The following FGF1 variants were observed in gnomAD, a reference collection of about 807,000 sequenced individuals.
The protein encoded by FGF1 is beta-endothelial cell growth factor.
A neutral mutation model predicts 13.4 loss-of-function variants in FGF1; 9 were observed. That is an observed-to-expected ratio of 0.67 (90% CI 0.40 to 1.17). FGF1 has a LOEUF of 1.17. FGF1 is among the 50% of genes most tolerant of loss of function. The pLI, the probability that FGF1 is intolerant of heterozygous loss-of-function variation, is 0.01. For missense variants in FGF1, 156 were observed against 192.7 expected, an observed-to-expected ratio of 0.81 and a Z score of 1.13; for synonymous variants, 93 against 79.0, an observed-to-expected ratio of 1.18 and a Z score of -0.94.
At chr5:142,653,410 C>T (rs970229636) in intron 1 of FGF1, among the ~76,000 whole-genome samples, 2 of 152,208 alleles carry the variant, frequency 1.3e-5, no homozygotes, top group African/African-American at 2.4e-5. Context: ...GAAGTGAAGG[C>T]TGTGGTCCAC....
At chr5:142,657,896 G>A (rs551445871) in intron 1 of FGF1, among the ~76,000 whole-genome samples, 2 of 152,282 alleles carry the variant, frequency 1.3e-5, no homozygotes, top group South Asian at 2.1e-4. Flanking sequence ...GTCCTCAGGG[G>A]CCTGTCCTAG....
At chr5:142,625,592 C>G (rs1412281966) in intron 1 of FGF1, among the ~76,000 whole-genome samples, 2 of 152,174 alleles carry the variant, frequency 1.3e-5, no homozygotes, top group Non-Finnish European at 2.9e-5. Context: ...CACCACGGTC[C>G]AAACCATCCG....
intron 1 of FGF1, among the ~76,000 whole-genome samples, chr5:142,644,787 C>G (rs569319089): frequency 6.6e-6 from 1 of 152,322 alleles, no homozygotes; most frequent in South Asian, 2.1e-4. Flanking sequence ...GTGATAGTCT[C>G]TCCATCATGG....
chr5:142,612,549 G>A (rs1421939498), intron 2 of FGF1, among the ~76,000 whole-genome samples: 1 of 152,112 alleles, frequency 6.6e-6, no homozygotes, highest in Non-Finnish European at 1.5e-5. Context: ...CTGACACAAT[G>A]GACTACAATC....
intron 2 of FGF1, among the ~76,000 whole-genome samples, chr5:142,693,304 T>G (rs1561777408): frequency 6.6e-6 from 1 of 152,122 alleles, no homozygotes; most frequent in Non-Finnish European, 1.5e-5. Context: ...ATTTTTTTAT[T>G]TTTTGAGACA....
chr5:142,697,088 G>A (rs1053879214), intron 2 of FGF1, among the ~76,000 whole-genome samples: 1 of 152,160 alleles, frequency 6.6e-6, no homozygotes, highest in Non-Finnish European at 1.5e-5. Flanking sequence ...TTCAACCAGA[G>A]AAAGGAACTC....
intron 2 of FGF1, among the ~76,000 whole-genome samples, chr5:142,693,113 C>A (rs1752499644): frequency 6.6e-6 from 1 of 152,012 alleles, no homozygotes; most frequent in African/African-American, 2.4e-5. Flanking sequence ...ATTAATTGAT[C>A]CTATCTTTTC....
At chr5:142,604,908 A>T (rs1757312340) in intron 2 of FGF1, among the ~76,000 whole-genome samples, 1 of 152,182 alleles carries the variant, frequency 6.6e-6, no homozygotes, top group Admixed American at 6.5e-5. Context: ...TGTGTTCAAG[A>T]TCACACATGG....
intron 1 of FGF1, among the ~76,000 whole-genome samples, chr5:142,617,972 G>A (rs973066496): frequency 2.6e-5 from 4 of 152,172 alleles, no homozygotes; most frequent in Non-Finnish European, 5.9e-5. Context: ...TTTAATAAAT[G>A]AATCCATTAA....
chr5:142,604,280 G>T (rs1476903746), intron 2 of FGF1, among the ~76,000 whole-genome samples: 10 of 151,512 alleles, frequency 6.6e-5, no homozygotes, highest in African/African-American at 1.2e-4. Flanking sequence ...AATAAAGCTG[G>T]TTTTTTTTTA....
chr5:142,653,918 C>G (rs1208863412), intron 1 of FGF1, among the ~76,000 whole-genome samples: 1 of 152,094 alleles, frequency 6.6e-6, no homozygotes, highest in Non-Finnish European at 1.5e-5. Context: ...ATGGTGAAAC[C>G]TCATCTCTAC....
intron 2 of FGF1, among the ~76,000 whole-genome samples, chr5:142,609,466 C>G (rs1393358543): frequency 6.6e-6 from 1 of 152,122 alleles, no homozygotes; most frequent in Non-Finnish European, 1.5e-5. Context: ...AGGAAACTCC[C>G]CAGAAAGATC....
chr5:142,617,917 T>C (rs1760598047), intron 1 of FGF1, among the ~76,000 whole-genome samples: 1 of 152,188 alleles, frequency 6.6e-6, no homozygotes, highest in African/African-American at 2.4e-5. Flanking sequence ...GATAAAACCA[T>C]AAGGCAGCAA....
intron 1 of FGF1, among the ~76,000 whole-genome samples, chr5:142,654,279 A>T (rs775301357): frequency 9.9e-5 from 15 of 152,146 alleles, no homozygotes; most frequent in Non-Finnish European, 1.8e-4. Flanking sequence ...TTAAGTGAAC[A>T]GCATAATTTG....
Position 142,674,859 on chromosome 5 carries a change from C to T in FGF1, c.-35+11098G>A, listed in dbSNP as rs1187954155. On this transcript the variant is annotated intron_variant, in intron 1 of 3. Coordinates refer to ENST00000337706, the MANE Select transcript of FGF1 (RefSeq NM_000800.5). Reference sequence around the variant, plus strand: ...CTCCACACCCCTCCTCTGCCTGCCACGGGTCAGAATAAGAGGGAGAGGCCT... The same window carrying T: ...CTCCACACCCCTCCTCTGCCTGCCATGGGTCAGAATAAGAGGGAGAGGCCT... Among the ~76,000 whole-genome samples the T allele has an allele frequency of 7.2e-5, 11 of 152,158 alleles. 1 individual carries two copies. Among genetic ancestry groups the T allele is most frequent in the Non-Finnish European group, 1.0e-4 (7 of 68,030 alleles).
chr5:142,613,640 C>T (rs1365299838), intron 2 of FGF1, among the ~76,000 whole-genome samples: 1 of 152,208 alleles, frequency 6.6e-6, no homozygotes, highest in Non-Finnish European at 1.5e-5. Context: ...GACTAGCCTT[C>T]GGGGCCAGAT....
chr5:142,614,432 T>G (rs1759766039), intron 1 of FGF1, among the ~76,000 whole-genome samples: 1 of 152,156 alleles, frequency 6.6e-6, no homozygotes, highest in South Asian at 2.1e-4. Flanking sequence ...AACTTCAAAT[T>G]TAATCATCTG....
chr5:142,655,135 C>T (rs1009574626), intron 1 of FGF1, among the ~76,000 whole-genome samples: 6 of 152,232 alleles, frequency 3.9e-5, no homozygotes, highest in Non-Finnish European at 7.3e-5. Flanking sequence ...GGAGCCATTG[C>T]TGAGTTGAGA....
intron 1 of FGF1, among the ~76,000 whole-genome samples, chr5:142,674,955 C>T (rs923583965): frequency 2.0e-5 from 3 of 152,138 alleles, no homozygotes; most frequent in Admixed American, 6.5e-5. Context: ...GCCCATCCAG[C>T]GTGGGAGCCG....
Sources: allele counts gnomAD v4.1 joint callset (sites outside exome capture counted in the v4.1 genomes callset), GRCh38; gene constraint gnomAD v4.1.1; transcripts MANE v1.5; gene names NCBI Gene and HGNC (gene_info 2026-07-23, HGNC 2026-07-21).